Variants in EDIL3 observed in about 807,000 individuals in gnomAD.
EDIL3 encodes EGF like and discoidin domains 3.
EDIL3 carries 37 observed loss-of-function variants against 67.4 expected under a neutral mutation model. The observed-to-expected ratio is 0.55, with a 90% CI of 0.42 to 0.72. EDIL3 has a LOEUF of 0.72. Among genes scored for constraint, EDIL3 ranks in the 30% least tolerant of loss-of-function variants. The pLI, the probability that EDIL3 is intolerant of heterozygous loss-of-function variation, is 0.00. For missense variants in EDIL3, 527 were observed against 586.3 expected, an observed-to-expected ratio of 0.90 and a Z score of 1.04; for synonymous variants, 195 against 196.3, an observed-to-expected ratio of 0.99 and a Z score of 0.05.
intron 3 of EDIL3, among the ~76,000 whole-genome samples, chr5:84,196,023 C>T (rs1743695992): frequency 6.6e-6 from 1 of 151,900 alleles, no homozygotes; most frequent in Non-Finnish European, 1.5e-5. Context: ...GCATGACATT[C>T]CTACCTGTGC....
chr5:83,988,538 A>C (rs1745094560), intron 9 of EDIL3, among the ~76,000 whole-genome samples: 1 of 152,132 alleles, frequency 6.6e-6, no homozygotes, highest in Non-Finnish European at 1.5e-5. Flanking sequence ...TAGAGCTGGC[A>C]CAGGTAGATT....
At chr5:84,053,314 T>A (rs1212453107) in intron 9 of EDIL3, among the ~76,000 whole-genome samples, 1 of 152,120 alleles carries the variant, frequency 6.6e-6, no homozygotes, top group Admixed American at 6.6e-5. Context: ...AAGCAGTGGG[T>A]AGAGGGAAAT....
intron 1 of EDIL3, among the ~76,000 whole-genome samples, chr5:84,285,973 C>G (rs1265413069): frequency 6.6e-6 from 1 of 152,180 alleles, no homozygotes; most frequent in Non-Finnish European, 1.5e-5. Flanking sequence ...CCTGTTTGAA[C>G]ATTATTGCTG....
At chr5:84,213,193 T>C (rs1580380089) in intron 3 of EDIL3, among the ~76,000 whole-genome samples, 1 of 15,064 alleles carries the variant, frequency 6.6e-5, no homozygotes, top group Admixed American at 5.7e-4. Context: ...TTTCAGTGGT[T>C]TTTTTTTTTT....
chr5:84,010,821 C>T (rs201177495), intron 9 of EDIL3, among the ~76,000 whole-genome samples: 14 of 152,084 alleles, frequency 9.2e-5, no homozygotes, highest in Non-Finnish European at 2.1e-4. Context: ...TCACATTCTC[C>T]CCTACAGGAG....
intron 5 of EDIL3, among the ~76,000 whole-genome samples, chr5:84,109,737 C>G (rs1216328026): frequency 6.6e-6 from 1 of 152,064 alleles, no homozygotes. Context: ...CCAACAGTTG[C>G]ATACCACACT....
At position 84,363,826 on chromosome 5, in the gene EDIL3, TA is replaced by T. The variant is rs201256494; in HGVS notation, c.67+20481del. Among the ~76,000 whole-genome samples the T allele has an allele frequency of 1.9e-4, 29 of 152,012 alleles. No homozygotes were observed. The East Asian group carries it at 2.3e-3, about 12-fold the overall frequency. On this transcript the variant is annotated intron_variant, in intron 1 of 10. Transcript: ENST00000296591. ...ACAACTTCTAGATCTCAACTGGAGA[TA>T]AAAAAAATTGGAGAAATCAGGGAAA...
chr5:83,943,265 C>A lies in EDIL3; in HGVS notation c.*154G>T. 2.1e-6 allele frequency: 2 copies of A among 939,140 alleles called. No individual in the cohort carries two copies. Among genetic ancestry groups the A allele is most frequent in the Non-Finnish European group, 1.6e-6 (1 of 637,830 alleles). 58.2% of individuals were successfully genotyped at this position (939,140 alleles called of 1,614,324 possible). On this transcript the variant is annotated 3_prime_UTR_variant, in exon 11 of 11. Transcript: ENST00000296591. The stretch of plus-strand genomic sequence containing the variant: ...TCATTGAAAAGGCAGGCTTAGACCC[C>A]CTTAAAAACACCGTTAGTTGCCTAC...
chr5:84,011,710 T>A (rs754294849), intron 9 of EDIL3, among the ~76,000 whole-genome samples: 13 of 152,194 alleles, frequency 8.5e-5, no homozygotes, highest in Non-Finnish European at 1.6e-4. Context: ...TTTTCTCTAA[T>A]ACACTAAGCT....
intron 6 of EDIL3, among the ~76,000 whole-genome samples, chr5:84,100,696 A>T (rs1450719565): frequency 6.6e-6 from 1 of 152,170 alleles, no homozygotes; most frequent in African/African-American, 2.4e-5. Context: ...TGTTTTGCAC[A>T]TGTATCCCAG....
chr5:84,130,476 A>C (rs941285092), intron 5 of EDIL3, among the ~76,000 whole-genome samples: 5 of 152,186 alleles, frequency 3.3e-5, no homozygotes, highest in Non-Finnish European at 5.9e-5. Flanking sequence ...TTGCAACATC[A>C]GACTTAGGCA....
At chr5:84,031,228 T>C (rs774832022) in intron 9 of EDIL3, among the ~76,000 whole-genome samples, 5 of 152,204 alleles carry the variant, frequency 3.3e-5, no homozygotes, top group Non-Finnish European at 5.9e-5. Flanking sequence ...AATATATAAA[T>C]TTTGGGGCGA....
chr5:83,969,238 T>C (rs1194935691), intron 9 of EDIL3, among the ~76,000 whole-genome samples: 1 of 151,828 alleles, frequency 6.6e-6, no homozygotes, highest in Admixed American at 6.6e-5. Context: ...TAACTTACTA[T>C]TAAACATTTA....
chr5:84,376,800 G>C (rs1269885810), intron 1 of EDIL3, among the ~76,000 whole-genome samples: 5 of 152,080 alleles, frequency 3.3e-5, no homozygotes, highest in Admixed American at 1.3e-4. Context: ...GTTTTGCCTG[G>C]TACTATTCTA....
intron 2 of EDIL3, 66 bp from the exon 3 acceptor site, chr5:84,229,950 GAGAA>G (rs1744536778): frequency 2.2e-5 from 30 of 1,345,304 alleles, no homozygotes; most frequent in Non-Finnish European, 3.1e-5. Context: ...AGGGGGGAGA[GAGAA>G]AGAAAGAGAA....
chr5:84,219,687 A>G (rs10075946), intron 3 of EDIL3, among the ~76,000 whole-genome samples: 104,323 of 152,082 alleles, frequency 0.69, 36,071 homozygotes, highest in East Asian at 0.83. Flanking sequence ...CACAATTCAC[A>G]ATAGCCAAGA....
intron 1 of EDIL3, among the ~76,000 whole-genome samples, chr5:84,364,397 T>C (rs1747685804): frequency 1.3e-5 from 2 of 152,170 alleles, no homozygotes; most frequent in South Asian, 4.1e-4. Context: ...TGGAAATTGT[T>C]ACACAGATAC....
intron 2 of EDIL3, among the ~76,000 whole-genome samples, chr5:84,251,597 A>T (rs1745026870): frequency 6.6e-6 from 1 of 152,184 alleles, no homozygotes; most frequent in Non-Finnish European, 1.5e-5. Context: ...GCAAGAAAAT[A>T]TGAAGCTAAG....
intron 1 of EDIL3, among the ~76,000 whole-genome samples, chr5:84,370,599 A>T (rs1175811810): frequency 6.6e-6 from 1 of 152,200 alleles, no homozygotes; most frequent in African/African-American, 2.4e-5. Context: ...AATAAAGTTT[A>T]CTGTCTAGCT....
Sources: allele counts gnomAD v4.1 joint callset (sites outside exome capture counted in the v4.1 genomes callset), GRCh38; gene constraint gnomAD v4.1.1; transcripts MANE v1.5; gene names NCBI Gene and HGNC (gene_info 2026-07-23, HGNC 2026-07-21).